Variants in VOPP1 observed in about 807,000 individuals in gnomAD.
The protein encoded by VOPP1 is WW domain binding protein VOPP1.
VOPP1 carries 8 observed loss-of-function variants against 23.5 expected under a neutral mutation model. The observed-to-expected ratio is 0.34, with a 90% CI of 0.20 to 0.61. The LOEUF (loss-of-function observed/expected upper bound fraction) is 0.61, where lower values mean the gene tolerates loss of function less well. Among genes scored for constraint, VOPP1 ranks in the 20% least tolerant of loss-of-function variants. The pLI is 0.78. For synonymous variants in VOPP1, 83 were observed against 97.3 expected (o/e 0.85, Z 0.86); for missense variants, 174 against 238.1 (o/e 0.73, Z 1.77).
At chr7:55,550,739 A>T (rs983490056) in intron 1 of VOPP1, among the ~76,000 whole-genome samples, 16 of 152,238 alleles carry the variant, frequency 1.1e-4, no homozygotes, top group Admixed American at 7.9e-4. Flanking sequence ...TCGTGACAGA[A>T]GGATGCACTA....
chr7:55,567,633 C>T (rs555351092), intron 1 of VOPP1, among the ~76,000 whole-genome samples: 12 of 152,332 alleles, frequency 7.9e-5, no homozygotes, highest in Admixed American at 2.0e-4. Flanking sequence ...CTGGGCCCAA[C>T]GCCCACAGGC....
intron 2 of VOPP1, among the ~76,000 whole-genome samples, chr7:55,500,477 G>A (rs1206141814): frequency 1.3e-5 from 2 of 152,332 alleles, no homozygotes; most frequent in African/African-American, 4.8e-5. Flanking sequence ...CAAGCTCCAG[G>A]TGAGAATGCA....
intron 4 of VOPP1, among the ~76,000 whole-genome samples, chr7:55,452,140 T>C (rs1791260875): frequency 6.6e-6 from 1 of 152,224 alleles, no homozygotes; most frequent in Admixed American, 6.5e-5. Context: ...AATCCTGTGT[T>C]GTAATTTCAA....
intron 4 of VOPP1, among the ~76,000 whole-genome samples, chr7:55,461,328 C>T (rs1791495957): frequency 6.6e-6 from 1 of 151,884 alleles, no homozygotes; most frequent in Non-Finnish European, 1.5e-5. Context: ...TCACAAATCA[C>T]CAATAAAGAA....
intron 4 of VOPP1, among the ~76,000 whole-genome samples, chr7:55,441,818 T>C (rs1790972819): frequency 1.3e-5 from 2 of 152,098 alleles, no homozygotes; most frequent in South Asian, 2.1e-4. Flanking sequence ...GCTCTTCCCA[T>C]TCAGATGAAG....
At chr7:55,546,510 A>C (rs764654183) in intron 1 of VOPP1, among the ~76,000 whole-genome samples, 2 of 152,254 alleles carry the variant, frequency 1.3e-5, no homozygotes, top group Non-Finnish European at 2.9e-5. Flanking sequence ...AGCAATTTTA[A>C]TTAATAGCAA....
intron 2 of VOPP1, among the ~76,000 whole-genome samples, chr7:55,500,688 C>A (rs947930233): frequency 3.9e-5 from 6 of 152,240 alleles, no homozygotes; most frequent in Non-Finnish European, 8.8e-5. Flanking sequence ...TCTTATCTTA[C>A]ACCAGGCTAA....
At chr7:55,497,792 G>T (rs1268916122) in intron 2 of VOPP1, 102 bp from the exon 3 acceptor site, 2 of 998,296 alleles carry the variant, frequency 2.0e-6, no homozygotes, top group Non-Finnish European at 3.2e-6. Flanking sequence ...CTTGAAGGAA[G>T]AAATCAGTAA....
chr7:55,546,924 C>A (rs919345323), intron 1 of VOPP1, among the ~76,000 whole-genome samples: 5 of 152,232 alleles, frequency 3.3e-5, no homozygotes. Flanking sequence ...CAGGCCTTGT[C>A]CCCAGTGCCC....
intron 1 of VOPP1, among the ~76,000 whole-genome samples, chr7:55,566,953 T>C (rs7797366): frequency 0.17 from 26,302 of 152,256 alleles, 2,383 homozygotes; most frequent in Middle Eastern, 0.22. Context: ...GAAAAGCCCA[T>C]GAGTGCAGAC....
intron 4 of VOPP1, among the ~76,000 whole-genome samples, chr7:55,484,964 C>G (rs1793023746): frequency 6.6e-6 from 1 of 152,236 alleles, no homozygotes; most frequent in South Asian, 2.1e-4. Flanking sequence ...CGTCAGCCCA[C>G]AGCATGCAAG....
At chr7:55,514,428 G>A (rs141151471) in intron 2 of VOPP1, among the ~76,000 whole-genome samples, 13 of 152,292 alleles carry the variant, frequency 8.5e-5, no homozygotes, top group African/African-American at 2.9e-4. Context: ...GTCTAGAGAC[G>A]ATCTCTTGAA....
downstream of VOPP1, among the ~76,000 whole-genome samples, chr7:55,466,153 ATTC>A (rs1791626473): frequency 6.6e-6 from 1 of 152,162 alleles, no homozygotes; most frequent in East Asian, 1.9e-4. Flanking sequence ...AACCTACTGC[ATTC>A]CTGACCTTAG....
At chr7:55,456,099 A>G (rs1237218987) in intron 4 of VOPP1, among the ~76,000 whole-genome samples, 1 of 151,980 alleles carries the variant, frequency 6.6e-6, no homozygotes, top group Non-Finnish European at 1.5e-5. Flanking sequence ...ACTTAAACAA[A>G]TTTATAAGAA....
chr7:55,445,401 CATA>C (rs1366376744), intron 4 of VOPP1, among the ~76,000 whole-genome samples: 2 of 152,164 alleles, frequency 1.3e-5, no homozygotes, highest in Non-Finnish European at 2.9e-5. Context: ...GCCACATAAT[CATA>C]ATACCAGTAT....
intron 4 of VOPP1, among the ~76,000 whole-genome samples, chr7:55,481,514 C>A (rs1792709581): frequency 6.6e-6 from 1 of 152,232 alleles, no homozygotes; most frequent in Non-Finnish European, 1.5e-5. Flanking sequence ...AGGCTCCTGG[C>A]TGGAGCCCTG....
rs140787163 is a variant in VOPP1 at position 55,560,699 on chromosome 7, A to G, written c.54+11572T>C. ...CAAGTTTGTAGTCACTTGTTATAGC[A>G]ACAACAGGTAATGAACACAGAGGTC... On this transcript the variant is annotated intron_variant, in intron 1 of 4. Coordinates refer to ENST00000285279, the MANE Select transcript of VOPP1 (RefSeq NM_030796.5). Among the ~76,000 whole-genome samples the G allele has an allele frequency of 5.7e-3, 868 of 152,308 alleles. 6 individuals carry two copies. The highest frequency in any genetic ancestry group is 0.024 in the Middle Eastern group (7 of 294).
intron 4 of VOPP1, among the ~76,000 whole-genome samples, chr7:55,452,584 G>A (rs1562881776): frequency 6.6e-6 from 1 of 152,182 alleles, no homozygotes; most frequent in Non-Finnish European, 1.5e-5. Context: ...TAAACAATAA[G>A]ACTTGAAAGT....
intron 1 of VOPP1, among the ~76,000 whole-genome samples, chr7:55,560,627 T>G (rs565285399): frequency 1.3e-5 from 2 of 152,160 alleles, no homozygotes; most frequent in African/African-American, 4.8e-5. Flanking sequence ...TTAGGACTTC[T>G]GACCTCCAGA....
Sources: gnomAD v4.1 joint callset for allele counts (sites outside exome capture counted in the v4.1 genomes callset) on GRCh38, gnomAD v4.1.1 for gene constraint, MANE v1.5 for transcripts, NCBI Gene and HGNC (gene_info 2026-07-23, HGNC 2026-07-21) for gene names.